Variants in RTN4 observed in about 807,000 individuals in gnomAD.
RTN4 encodes reticulon-4.
Under a neutral mutation model 90.4 loss-of-function variants are expected in RTN4, and 32 were observed. The observed-to-expected ratio is 0.35, with a 90% CI of 0.27 to 0.48. The LOEUF is 0.48. Among genes scored for constraint, RTN4 ranks in the 20% least tolerant of loss-of-function variants. The probability of loss-of-function intolerance (pLI) is 0.99; values close to 1 mark genes in which losing one functional copy is unlikely to be tolerated. For synonymous variants in RTN4, 629 were observed against 552.5 expected, an observed-to-expected ratio of 1.14 and a Z score of -1.94; for missense variants, 1,706 against 1,430.2, an observed-to-expected ratio of 1.19 and a Z score of -3.11.
rs1680762677 is a variant in RTN4 at position 55,013,082 on chromosome 2, C to A, written c.3013+12004G>T. On this transcript the variant is annotated intron_variant, in intron 3 of 8. Coordinates refer to ENST00000337526, the MANE Select transcript of RTN4 (RefSeq NM_020532.5). Reference sequence around the variant, plus strand: ...CTATTTGAGACAGGAACCTCTTTTCCCATAAAAGCAAAGGCTCACAAAGGA... The same window carrying A: ...CTATTTGAGACAGGAACCTCTTTTCACATAAAAGCAAAGGCTCACAAAGGA... Among the ~76,000 whole-genome samples, 3 of 152,044 alleles carry A rather than the reference C, an allele frequency of 2.0e-5. No homozygotes were observed. The South Asian group carries it at 6.2e-4, about 32-fold the overall frequency.
intron 3 of RTN4, among the ~76,000 whole-genome samples, chr2:54,994,027 C>A (rs1199889997): frequency 6.6e-6 from 1 of 152,138 alleles, no homozygotes; most frequent in Non-Finnish European, 1.5e-5. Context: ...AATTTCTAGT[C>A]CCTTACAGAT....
intron 2 of RTN4, among the ~76,000 whole-genome samples, chr2:55,066,191 GTT>G (rs768483776): frequency 2.0e-3 from 93 of 46,516 alleles, no homozygotes; most frequent in Middle Eastern, 0.011. Flanking sequence ...GTGTGTGTGT[GTT>G]TGTGTGTGTG....
Position 55,027,101 on chromosome 2 carries a change from T to G in RTN4, c.998A>C (p.Lys333Thr). ...ATGAAGGATGTTATTACTAACTAAC[T>G]TCTCTTCTTCATCTTTATTTTTCAC... ...IIVKNKDEEEKLVSNNILHNQ... is the reference protein window; with the variant it reads ...IIVKNKDEEETLVSNNILHNQ... The change falls in exon 3 of 9, where the codon AAG (lysine) becomes ACG (threonine). Residue 333 changes from lysine (K) to threonine (T), a missense_variant. Coordinates refer to ENST00000337526, the MANE Select transcript of RTN4 (RefSeq NM_020532.5). 1 of 1,613,318 alleles carries G rather than the reference T, an allele frequency of 6.2e-7. No individual in the cohort carries two copies. The highest frequency in any genetic ancestry group is 1.1e-5 in the South Asian group (1 of 91,062).
intron 2 of RTN4, among the ~76,000 whole-genome samples, chr2:55,059,960 G>A (rs1480261538): frequency 6.6e-6 from 1 of 152,070 alleles, no homozygotes; most frequent in Non-Finnish European, 1.5e-5. Context: ...TTACAGGGGT[G>A]AGCCACCCTG....
chr2:55,026,165 T>C lies in RTN4; in HGVS notation c.1934A>G (p.Asn645Ser). ...SSSPLEASSV[N>S]YESIKHEPEN... ...AGGCTCATGTTTTATGCTTTCATAATTAACTGAAGAAGCTTCTAATGGTGA... is the reference window on the plus strand; with the variant it reads ...AGGCTCATGTTTTATGCTTTCATAACTAACTGAAGAAGCTTCTAATGGTGA... The change falls in exon 3 of 9, where the codon AAT becomes AGT. Residue 645 changes from asparagine (N) to serine (S), a missense_variant. Physicochemically the swap from Asn to Ser is conservative, Grantham distance 46. Coordinates refer to ENST00000337526, the MANE Select transcript of RTN4 (RefSeq NM_020532.5). 6.2e-7 allele frequency: 1 copy of C among 1,613,538 alleles called. No individual in the cohort carries two copies. Among genetic ancestry groups the C allele is most frequent in the Non-Finnish European group, 8.5e-7 (1 of 1,179,778 alleles).
chr2:55,111,032 CTG>C lies in RTN4; in HGVS notation c.-214+1486_-214+1487del, dbSNP rs1042738811. ...CTCCAGCCGGGGCAACTGAGTAAGA[CTG>C]TGTCTCAAAATAACAATAATAATAA... On this transcript the variant is annotated intron_variant, in intron 1 of 3. Transcript: ENST00000427710. Among the ~76,000 whole-genome samples the C allele has an allele frequency of 1.3e-4, 20 of 152,188 alleles. 1 individual carries two copies. The highest frequency in any genetic ancestry group is 1.2e-3 in the Admixed American group (19 of 15,286).
At chr2:55,114,346 G>C (rs1016665581), upstream of RTN4, among the ~76,000 whole-genome samples, 2 of 152,136 alleles carry the variant, frequency 1.3e-5, no homozygotes, top group African/African-American at 4.8e-5. Context: ...CTCTATGAAG[G>C]GGATGGAGCT....
intron 5 of RTN4, among the ~76,000 whole-genome samples, chr2:54,980,364 T>C (rs1161535170): frequency 1.3e-5 from 2 of 152,218 alleles, no homozygotes; most frequent in African/African-American, 4.8e-5. Flanking sequence ...CAATGGACTG[T>C]GTATGGATGA....
chr2:55,049,867 G>A lies in RTN4; in HGVS notation c.434C>T (p.Pro145Leu). Reference sequence around the variant, plus strand: ...GGGGCTCACGCTGGCCGGGGGAGGAGGGGGAGGCCGGGCCGGAGGCTCGTC... The same window carrying A: ...GGGGCTCACGCTGGCCGGGGGAGGAAGGGGAGGCCGGGCCGGAGGCTCGTC... ...EDDEPPARPP[P>L]PPPASVSPQA... is the part of the protein sequence containing the mutation. The change falls in exon 1 of 9, where the codon CCT becomes CTT. Residue 145 changes from proline to leucine, a missense_variant. Coordinates refer to ENST00000337526, the MANE Select transcript of RTN4 (RefSeq NM_020532.5). The A allele has an allele frequency of 1.5e-6, 2 of 1,318,120 alleles. No homozygotes were observed. Among genetic ancestry groups the A allele is most frequent in the Non-Finnish European group, 1.9e-6 (2 of 1,037,392 alleles). The allele number at this position is 1,318,120 out of a possible 1,614,324, so 81.7% of individuals were successfully genotyped here.
intron 1 of RTN4, chr2:55,046,955 G>A (rs1469387557): frequency 6.6e-6 from 1 of 152,182 alleles, no homozygotes; most frequent in Non-Finnish European, 1.5e-5. Flanking sequence ...GTCACCCCCT[G>A]AATCCCTAAT....
At chr2:54,974,823 T>C (rs914165721) in intron 5 of RTN4, 59 bp from the exon 6 acceptor site, 2 of 1,471,690 alleles carry the variant, frequency 1.4e-6, no homozygotes, top group Non-Finnish European at 9.5e-7. Flanking sequence ...TTCTTAATTA[T>C]GCTTTCAAAA....
intron 3 of RTN4, among the ~76,000 whole-genome samples, chr2:54,991,419 G>A (rs1352988848): frequency 1.3e-5 from 2 of 152,200 alleles, no homozygotes; most frequent in African/African-American, 4.8e-5. Context: ...TATGGTAGAA[G>A]GAAATATCAG....
intron 1 of RTN4, among the ~76,000 whole-genome samples, chr2:55,098,286 G>A (rs974704989): frequency 1.3e-5 from 2 of 152,118 alleles, no homozygotes; most frequent in African/African-American, 4.8e-5. Context: ...TATAATCCTA[G>A]TGTCTAAAGT....
At chr2:55,000,638 G>A (rs1022020771) in intron 3 of RTN4, among the ~76,000 whole-genome samples, 7 of 152,180 alleles carry the variant, frequency 4.6e-5, no homozygotes, top group Admixed American at 2.6e-4. Context: ...TGATGCAAAT[G>A]TATTTGTACA....
At chr2:55,096,183 G>C (rs1273544234) in intron 1 of RTN4, among the ~76,000 whole-genome samples, 1 of 152,084 alleles carries the variant, frequency 6.6e-6, no homozygotes, top group Non-Finnish European at 1.5e-5. Flanking sequence ...AAAATTAGCT[G>C]GGCGTGGTGG....
intron 3 of RTN4, among the ~76,000 whole-genome samples, chr2:55,023,205 T>C (rs1681577670): frequency 6.6e-6 from 1 of 152,050 alleles, no homozygotes; most frequent in Admixed American, 6.6e-5. Flanking sequence ...CCAAAACACA[T>C]CCTTGAATCA....
the RTN4 span, among the ~76,000 whole-genome samples, chr2:55,128,285 A>C: frequency 6.6e-6 from 1 of 152,108 alleles, no homozygotes; most frequent in Non-Finnish European, 1.5e-5. Context: ...ACTCTCCAAA[A>C]ACTGGGCCTT....
intron 1 of RTN4, among the ~76,000 whole-genome samples, chr2:55,049,384 G>A (rs538868085): frequency 1.3e-5 from 2 of 152,286 alleles, no homozygotes; most frequent in African/African-American, 4.8e-5. Context: ...TCACCTCGAA[G>A]CCCAACCAAC....
intron 3 of RTN4, among the ~76,000 whole-genome samples, chr2:54,991,061 C>T (rs561409033): frequency 1.3e-4 from 20 of 152,248 alleles, no homozygotes; most frequent in Admixed American, 1.2e-3. Flanking sequence ...GGATTACAGG[C>T]GTGGGCTACC....
Sources: allele counts gnomAD v4.1 joint callset (sites outside exome capture counted in the v4.1 genomes callset), GRCh38; gene constraint gnomAD v4.1.1; transcripts MANE v1.5; gene names NCBI Gene and HGNC (gene_info 2026-07-23, HGNC 2026-07-21).